PTPRG: variants seen among roughly 807,000 people sequenced by gnomAD.
The protein encoded by PTPRG is protein tyrosine phosphatase receptor type G, also known as receptor-type tyrosine-protein phosphatase gamma.
Under a neutral mutation model 165.3 loss-of-function variants are expected in PTPRG, and 102 were observed. The observed-to-expected ratio is 0.62, with a 90% confidence interval of 0.53 to 0.73. PTPRG has a LOEUF of 0.73. Among genes scored for constraint, PTPRG ranks in the 30% least tolerant of loss-of-function variants. The pLI is 0.00. For synonymous variants in PTPRG, 675 were observed against 669.5 expected, an observed-to-expected ratio of 1.01 and a Z score of -0.13; for missense variants, 1,866 against 1,861.4, an observed-to-expected ratio of 1.00 and a Z score of -0.05.
At chr3:62,193,812 G>A (rs1445103585) in intron 9 of PTPRG, among the ~76,000 whole-genome samples, 2 of 152,172 alleles carry the variant, frequency 1.3e-5, no homozygotes, top group African/African-American at 2.4e-5. Flanking sequence ...ACTCCCAATC[G>A]GTGGCTAAGC....
intron 1 of PTPRG, among the ~76,000 whole-genome samples, chr3:61,727,038 C>T (rs1176516536): frequency 1.4e-5 from 2 of 139,056 alleles, no homozygotes; most frequent in Non-Finnish European, 3.1e-5. Context: ...CACAGTGAGA[C>T]TCCGTCTCAA....
chr3:61,592,648 TC>T (rs920482637), intron 1 of PTPRG, among the ~76,000 whole-genome samples: 20 of 147,438 alleles, frequency 1.4e-4, no homozygotes, highest in African/African-American at 3.9e-4. Flanking sequence ...TTTCTTTCTT[TC>T]TTTTTTTTTT....
At chr3:61,763,083 C>A (rs2033905244) in intron 2 of PTPRG, among the ~76,000 whole-genome samples, 1 of 152,152 alleles carries the variant, frequency 6.6e-6, no homozygotes. Flanking sequence ...TTTTGTTGTC[C>A]AGACTTGGAT....
chr3:61,981,079 G>A (rs532692669), intron 2 of PTPRG, among the ~76,000 whole-genome samples: 2 of 152,302 alleles, frequency 1.3e-5, no homozygotes, highest in South Asian at 2.1e-4. Context: ...GGGAGGCCTC[G>A]GGGAACTTAC....
chr3:62,123,369 T>G (rs62244972), intron 5 of PTPRG, among the ~76,000 whole-genome samples: 51,342 of 152,074 alleles, frequency 0.34, 9,104 homozygotes, highest in East Asian at 0.51. Context: ...TCTCAGCCTC[T>G]GGGGTAGCTA....
At chr3:62,206,297 T>A (rs1700228548) in intron 12 of PTPRG, among the ~76,000 whole-genome samples, 1 of 151,684 alleles carries the variant, frequency 6.6e-6, no homozygotes, top group Non-Finnish European at 1.5e-5. Flanking sequence ...GGTGTGTAGG[T>A]CCTCGGCTTC....
intron 7 of PTPRG, among the ~76,000 whole-genome samples, chr3:62,164,754 C>CA (rs1704903173): frequency 6.6e-6 from 1 of 152,214 alleles, no homozygotes; most frequent in Admixed American, 6.5e-5. Context: ...CTCATTTTTA[C>CA]AGTTATGTGA....
chr3:61,602,002 G>A (rs923398208), intron 1 of PTPRG, among the ~76,000 whole-genome samples: 6 of 152,316 alleles, frequency 3.9e-5, no homozygotes, highest in Admixed American at 3.3e-4. Flanking sequence ...CAACACTGAC[G>A]TTGTCCAGGA....
At position 62,157,156 on chromosome 3, in the gene PTPRG, A is replaced by G. The variant is rs777267158; in HGVS notation, c.772A>G (p.Thr258Ala). ...SYYRYTGSLT[T>A]PPCSEIVEWI... is the part of the protein sequence containing the mutation. ...TTATCGGTACACAGGTTCCTTGACC[A>G]CACCACCGTGTAGCGAAATAGTGGA... Residue 258 changes from threonine to alanine, a missense_variant, in exon 7 of 30, where the codon ACA becomes GCA. By Grantham distance (58) the Thr-to-Ala change is moderately conservative. Around this residue, in one of 3 missense-constraint regions of PTPRG, gnomAD observed 408 missense variants for 376.2 expected, o/e 1.08. Transcript: ENST00000474889. 1.2e-6 allele frequency: 2 copies of G among 1,613,958 alleles called. No individual in the cohort carries two copies. The highest frequency in any genetic ancestry group is 1.7e-6 in the Non-Finnish European group (2 of 1,179,888).
At chr3:61,762,785 C>T (rs1055917485) in intron 2 of PTPRG, among the ~76,000 whole-genome samples, 2 of 152,090 alleles carry the variant, frequency 1.3e-5, no homozygotes, top group African/African-American at 4.8e-5. Flanking sequence ...GGCAGTTTAT[C>T]GCCTTACATA....
At chr3:62,199,245 G>A (rs1194745812) in intron 10 of PTPRG, among the ~76,000 whole-genome samples, 1 of 152,156 alleles carries the variant, frequency 6.6e-6, no homozygotes, top group African/African-American at 2.4e-5. Context: ...TGAGACCCCT[G>A]TTATTTGCTT....
At position 61,990,992 on chromosome 3, in the gene PTPRG, T is replaced by C. The variant is rs116312430; in HGVS notation, c.370+1188T>C. 5.9e-3 allele frequency among the ~76,000 whole-genome samples: 891 copies of C among 152,188 alleles called. 8 individuals are homozygous for C. Among genetic ancestry groups the C allele is most frequent in the African/African-American group, 0.021 (851 of 41,504 alleles). Reference sequence around the variant, plus strand: ...TTCTCCAAACCATCATTTGAGATTATTCATAGCTGATTGCTTTGAGTTTGC... The same window carrying C: ...TTCTCCAAACCATCATTTGAGATTACTCATAGCTGATTGCTTTGAGTTTGC... On this transcript the variant is annotated intron_variant, in intron 3 of 29. Coordinates refer to ENST00000474889, the MANE Select transcript of PTPRG (RefSeq NM_002841.4).
At chr3:61,888,365 C>T (rs2038112836) in intron 2 of PTPRG, among the ~76,000 whole-genome samples, 1 of 149,670 alleles carries the variant, frequency 6.7e-6, no homozygotes, top group African/African-American at 2.5e-5. Flanking sequence ...AGGGGCTCTT[C>T]CTCTGTCGCC....
At chr3:62,173,784 G>A (rs542076828) in intron 8 of PTPRG, among the ~76,000 whole-genome samples, 154 of 152,300 alleles carry the variant, frequency 1.0e-3, no homozygotes, top group Middle Eastern at 3.4e-3. Flanking sequence ...GAGGCAGCCA[G>A]TGGTGGGGGC....
At chr3:61,833,251 A>G (rs2036360813) in intron 2 of PTPRG, among the ~76,000 whole-genome samples, 1 of 152,308 alleles carries the variant, frequency 6.6e-6, no homozygotes, top group South Asian at 2.1e-4. Flanking sequence ...AATATATACT[A>G]TAGGACTTTC....
At chr3:61,996,328 C>T (rs1192222252) in intron 3 of PTPRG, among the ~76,000 whole-genome samples, 4 of 152,064 alleles carry the variant, frequency 2.6e-5, no homozygotes, top group Admixed American at 6.5e-5. Flanking sequence ...TTAATTATAA[C>T]GCTTCCAGTA....
intron 2 of PTPRG, among the ~76,000 whole-genome samples, chr3:61,794,164 C>G (rs1041976137): frequency 6.6e-6 from 1 of 152,070 alleles, no homozygotes; most frequent in Admixed American, 6.6e-5. Flanking sequence ...CCATTACTTT[C>G]CTTGTTTTCC....
chr3:62,170,684 G>A (rs184477988), intron 8 of PTPRG, among the ~76,000 whole-genome samples: 4 of 152,170 alleles, frequency 2.6e-5, no homozygotes, highest in Admixed American at 6.5e-5. Context: ...CATAGTGCTC[G>A]TTGCTGACTC....
At chr3:61,801,045 C>T (rs1401356085) in intron 2 of PTPRG, among the ~76,000 whole-genome samples, 6 of 152,124 alleles carry the variant, frequency 3.9e-5, no homozygotes, top group Non-Finnish European at 7.3e-5. Flanking sequence ...GCCCTGGCAC[C>T]GCCTGCCGTA....
Sources: allele counts gnomAD v4.1 joint callset (sites outside exome capture counted in the v4.1 genomes callset), GRCh38; gene constraint gnomAD v4.1.1; regional missense constraint gnomAD v4.1.1; transcripts MANE v1.5; gene names NCBI Gene and HGNC (gene_info 2026-07-23, HGNC 2026-07-21).